The following BEND6 variants were observed in gnomAD, a reference collection of about 807,000 sequenced individuals.
BEND6 encodes BEN domain containing 6.
Under a neutral mutation model 31.8 loss-of-function variants are expected in BEND6, and 24 were observed. That is an observed-to-expected ratio of 0.75 (90% CI 0.55 to 1.06). The LOEUF (loss-of-function observed/expected upper bound fraction) is 1.06. BEND6 is among the 50% of genes least tolerant of loss of function. The probability of loss-of-function intolerance (pLI) is 0.00; values close to 1 mark genes in which losing one functional copy is unlikely to be tolerated. For synonymous variants in BEND6, 109 were observed against 114.6 expected (o/e 0.95, Z 0.31); for missense variants, 294 against 327.4 (o/e 0.90, Z 0.79).
chr6:57,004,757 A>T, intron 3 of BEND6: 1 of 1,107,564 alleles, frequency 9.0e-7, no homozygotes, highest in Non-Finnish European at 1.4e-6. Context: ...ACTGAGACAC[A>T]TCACCTGAAT....
In BEND6 at chr6:56,981,726, T is replaced by C; in HGVS notation, c.-85T>C. 2 of 1,491,894 alleles carry C rather than the reference T, an allele frequency of 1.3e-6. No homozygotes were observed. Among genetic ancestry groups the C allele is most frequent in the Non-Finnish European group, 1.8e-6 (2 of 1,102,494 alleles). The allele number at this position is 1,491,894 out of a possible 1,614,324, so 92.4% of individuals were successfully genotyped here. A position where few individuals can be genotyped will look rare whatever the true frequency, so the allele number is the denominator to read the frequency against. ...TGTTTTTAAGGGAAAGCATTAACTT[T>C]TGAGCTACGTCCAGAATAGCATCAT... On this transcript the variant is annotated 5_prime_UTR_variant, in exon 2 of 7. Coordinates refer to ENST00000370746, the MANE Select transcript of BEND6 (RefSeq NM_152731.3).
At chr6:57,010,613 T>C in intron 3 of BEND6, 1 of 863,926 alleles carries the variant, frequency 1.2e-6, no homozygotes, top group Non-Finnish European at 1.4e-6. Flanking sequence ...AGGGTATAAG[T>C]GGATTGAGAC....
chr6:56,992,923 C>G (rs796603227), intron 3 of BEND6, among the ~76,000 whole-genome samples: 17 of 152,298 alleles, frequency 1.1e-4, no homozygotes, highest in African/African-American at 3.9e-4. Flanking sequence ...ACTTAGGTCA[C>G]CCCTGTCTGC....
At chr6:56,961,128 T>C (rs1277235896) in intron 1 of BEND6, among the ~76,000 whole-genome samples, 1 of 152,124 alleles carries the variant, frequency 6.6e-6, no homozygotes, top group Non-Finnish European at 1.5e-5. Flanking sequence ...ACTCCCACAA[T>C]GAGAATCATC....
At chr6:57,004,890 G>A in intron 3 of BEND6, 1 of 598,928 alleles carries the variant, frequency 1.7e-6, no homozygotes, top group Non-Finnish European at 3.0e-6. Context: ...GCATGTGCCA[G>A]TAGTCCCAGC....
chr6:56,992,186 G>A (rs1826529049), intron 2 of BEND6, among the ~76,000 whole-genome samples, 192 bp from the exon 3 acceptor site: 1 of 152,204 alleles, frequency 6.6e-6, no homozygotes, highest in Non-Finnish European at 1.5e-5. Context: ...AGGCATATGT[G>A]CATGAAACTT....
At chr6:57,000,884 G>GAAAAA (rs142783287) in intron 3 of BEND6, among the ~76,000 whole-genome samples, 2 of 99,754 alleles carry the variant, frequency 2.0e-5, no homozygotes, top group African/African-American at 8.1e-5. Context: ...CACTTCCTCT[G>GAAAAA]AAAAAAAAAA....
intron 3 of BEND6, among the ~76,000 whole-genome samples, chr6:56,999,240 G>C (rs1221152408): frequency 6.6e-6 from 1 of 151,954 alleles, no homozygotes; most frequent in African/African-American, 2.4e-5. Context: ...CACCCTTTCT[G>C]TACAGAGATT....
At chr6:57,021,328 CATT>C (rs1421416237) in intron 6 of BEND6, among the ~76,000 whole-genome samples, 1 of 152,132 alleles carries the variant, frequency 6.6e-6, no homozygotes, top group Non-Finnish European at 1.5e-5. Flanking sequence ...TGTTCTCAGT[CATT>C]TAACTCACAG....
At chr6:57,001,153 GT>G (rs1220574005) in intron 3 of BEND6, among the ~76,000 whole-genome samples, 2 of 98,142 alleles carry the variant, frequency 2.0e-5, no homozygotes, top group Middle Eastern at 6.0e-3. Context: ...TAAAGAAAAA[GT>G]CTTTTTTTTT....
intron 4 of BEND6, among the ~76,000 whole-genome samples, chr6:57,016,693 C>G (rs1827571772): frequency 6.6e-6 from 1 of 152,188 alleles, no homozygotes; most frequent in Admixed American, 6.5e-5. Context: ...CCTGATCTGC[C>G]CTTCTGCTTC....
intron 1 of BEND6, among the ~76,000 whole-genome samples, chr6:56,976,889 T>C (rs984269375): frequency 1.3e-5 from 2 of 152,218 alleles, no homozygotes; most frequent in African/African-American, 4.8e-5. Flanking sequence ...ACAATGACAT[T>C]ACAGTTGTGC....
At chr6:57,023,172 C>CTGTTAATTTTTTAAATTGACAGTTTAA (rs1827804383) in intron 6 of BEND6, among the ~76,000 whole-genome samples, 1 of 152,108 alleles carries the variant, frequency 6.6e-6, no homozygotes, top group Non-Finnish European at 1.5e-5. Context: ...TCCAGTGTTT[C>CTGTTAATTTTTTAAATTGACAGTTTAA]CTTGTCAATT....
Position 57,015,258 on chromosome 6 carries a change from G to A in BEND6, c.424G>A (p.Asp142Asn). The A allele has an allele frequency of 6.2e-7, 1 of 1,614,164 alleles. No homozygotes were observed. The highest frequency in any genetic ancestry group is 2.2e-5 in the East Asian group (1 of 44,878). ...LWRATNNSSPDSFASTCSNSN... is the reference protein window; with the variant it reads ...LWRATNNSSPNSFASTCSNSN... ...GAGAGCAACAAACAACTCCTCGCCA[G>A]ATTCATTTGCCTCAACATGCAGTAA... The change falls in exon 4 of 7, where the codon GAT (aspartate) becomes AAT (asparagine). Residue 142 changes from aspartate to asparagine, a missense_variant. Asp to Asn is a conservative substitution (Grantham distance 23). Transcript: ENST00000370746.
chr6:56,991,535 T>C (rs144141740), intron 2 of BEND6, among the ~76,000 whole-genome samples: 117 of 152,210 alleles, frequency 7.7e-4, no homozygotes, highest in Non-Finnish European at 1.3e-3. Context: ...CTAATTTTTA[T>C]ATTTTTTGTA....
At position 56,955,198 on chromosome 6, in the gene BEND6, C is replaced by A. The variant is rs1824600576; in HGVS notation, c.-363C>A. The A allele has an allele frequency of 6.6e-6, 1 of 151,520 alleles. No homozygotes were observed. Among genetic ancestry groups the A allele is most frequent in the Admixed American group, 6.6e-5 (1 of 15,202 alleles). 9.4% of individuals were successfully genotyped at this position (151,520 alleles called of 1,614,324 possible). On this transcript the variant is annotated 5_prime_UTR_variant, in exon 1 of 7. Transcript: ENST00000370746. ...GCGGGCTGCACCCGGGCCTGAGAGC[C>A]CAGCGCCCTCCCGCGGGGCCGCCCG...
At chr6:56,977,048 A>G (rs1432757394) in intron 1 of BEND6, among the ~76,000 whole-genome samples, 3 of 152,266 alleles carry the variant, frequency 2.0e-5, no homozygotes, top group African/African-American at 7.2e-5. Context: ...ACACAAATTA[A>G]AAAATGAAAA....
At chr6:57,010,565 G>T (rs183686157) in intron 3 of BEND6, 3 of 465,512 alleles carry the variant, frequency 6.4e-6, no homozygotes, top group Non-Finnish European at 5.6e-6. Context: ...GATGATGCCT[G>T]TGCTTTGCAT....
chr6:56,977,747 G>A (rs376702489), intron 1 of BEND6, among the ~76,000 whole-genome samples: 83 of 152,176 alleles, frequency 5.5e-4, no homozygotes, highest in African/African-American at 1.9e-3. Context: ...ACTTGAAGCC[G>A]GGAGTTTGAA....
Sources: gnomAD v4.1 joint callset for allele counts (sites outside exome capture counted in the v4.1 genomes callset) on GRCh38, gnomAD v4.1.1 for gene constraint, MANE v1.5 for transcripts, NCBI Gene and HGNC (gene_info 2026-07-23, HGNC 2026-07-21) for gene names.